The following SAFB2 variants were observed in gnomAD, a reference collection of about 807,000 sequenced individuals.
The protein encoded by SAFB2 is scaffold attachment factor B2.
Under a neutral mutation model 100.6 loss-of-function variants are expected in SAFB2, and 32 were observed. The observed-to-expected ratio is 0.32, with a 90% confidence interval of 0.24 to 0.43. The LOEUF (loss-of-function observed/expected upper bound fraction) is 0.43. Ranked by LOEUF, SAFB2 falls within the 20% of genes least tolerant of loss-of-function variation. The probability of loss-of-function intolerance (pLI) is 1.00; values close to 1 mark genes in which losing one functional copy is unlikely to be tolerated. For synonymous variants in SAFB2, 500 were observed against 439.4 expected (o/e 1.14, Z -1.72); for missense variants, 1,185 against 1,163.4 (o/e 1.02, Z -0.27).
At chr19:5,610,965 A>G (rs2052896869) in intron 7 of SAFB2, 155 bp downstream of exon 7, 1 of 575,740 alleles carries the variant, frequency 1.7e-6, no homozygotes, top group Non-Finnish European at 3.1e-6. Context: ...ATCACCCATT[A>G]AAAACACACA....
At chr19:5,610,185 T>TA in intron 8 of SAFB2, 90 bp from the exon 9 acceptor site, 2 of 1,006,594 alleles carry the variant, frequency 2.0e-6, no homozygotes, top group Non-Finnish European at 3.1e-6. Context: ...TTAAAAACCC[T>TA]AACGACGCCC....
chr19:5,593,532 C>A (rs377559384), intron 15 of SAFB2: 13 of 228,710 alleles, frequency 5.7e-5, no homozygotes, highest in African/African-American at 2.9e-4. Context: ...CCGGCAGAGT[C>A]AGCGGTGGCC....
intron 4 of SAFB2, among the ~76,000 whole-genome samples, chr19:5,615,687 G>C (rs1463374742): frequency 6.6e-6 from 1 of 152,196 alleles, no homozygotes. Context: ...GCACAACAGA[G>C]CAAGACCCTG....
intron 16 of SAFB2, 41 bp downstream of exon 16, chr19:5,592,706 C>T: frequency 1.2e-6 from 2 of 1,609,996 alleles, no homozygotes; most frequent in Non-Finnish European, 1.7e-6. Context: ...GCCCCGGTGC[C>T]CACAATGACT....
At position 5,607,372 on chromosome 19, in the gene SAFB2, GA is replaced by G. The variant is rs1190769039; in HGVS notation, c.1297-2437del. 2.6e-5 allele frequency among the ~76,000 whole-genome samples: 4 copies of G among 152,172 alleles called. No homozygotes were observed. The East Asian group carries it at 7.7e-4, about 29-fold the overall frequency. ...AAAATATTGGGTGACTTCTTAAAGA[GA>G]AGTAAACCGTATGACAATAACATCA... On this transcript the variant is annotated intron_variant, in intron 9 of 20. Transcript: ENST00000252542.
chr19:5,609,891 G>C (rs761692611), intron 9 of SAFB2, 104 bp downstream of exon 9: 51 of 972,662 alleles, frequency 5.2e-5, no homozygotes, highest in Non-Finnish European at 8.1e-5. Context: ...TCCTGCCTCA[G>C]CCTCCCAAAC....
In SAFB2 at chr19:5,590,335, CCCCAGCCA is replaced by C. The variant is rs2052366623; in HGVS notation, c.2460_2467del (p.Asp820GlufsTer11). The C allele has an allele frequency of 3.1e-6, 5 of 1,610,256 alleles. No individual in the cohort carries two copies. In the Admixed American group the frequency reaches 5.0e-5, roughly 16 times the overall value. ...CAGCCTCTTGTCGGAGCCGTAGCCC[CCCCAGCCA>C]TCACGGGAGTCCCGGCCGTGGCGCT... On this transcript the variant is annotated frameshift_variant, in exon 18 of 21. Transcript: ENST00000252542. LOFTEE classifies it high-confidence loss of function.
Position 5,592,798 on chromosome 19 carries a change from T to C in SAFB2, c.2297A>G (p.His766Arg). 1 of 1,614,200 alleles carries C rather than the reference T, an allele frequency of 6.2e-7. No homozygotes were observed. The highest frequency in any genetic ancestry group is 8.5e-7 in the Non-Finnish European group (1 of 1,180,032). ...GCCCCGGTCTCGATGATCGAAGTCG[T>C]GAAAGCGGTGGTCTGGCCGGGGAAA... ...ADFPRPDHRFHDFDHRDRGQY... is the reference protein window; with the variant it reads ...ADFPRPDHRFRDFDHRDRGQY... The change falls in exon 16 of 21, where the codon CAC becomes CGC. Residue 766 changes from histidine (H) to arginine (R), a missense_variant. His to Arg is a conservative substitution (Grantham distance 29). This residue lies in a region of SAFB2 where 740 missense variants were observed against 687.1 expected (regional missense o/e 1.08). Transcript: ENST00000252542.
In SAFB2 at chr19:5,620,271, T is replaced by C. The variant is rs143549086; in HGVS notation, c.274+1038A>G. Among the ~76,000 whole-genome samples the C allele has an allele frequency of 8.4e-3, 1,281 of 152,332 alleles. 13 individuals are homozygous for C. The highest frequency in any genetic ancestry group is 0.013 in the South Asian group (62 of 4,826). Reference sequence around the variant, plus strand: ...GAAACACATTAAGAAGAAAAAGCTATTAAAAAAATGAAATTGTTAAAAATG... The same window carrying C: ...GAAACACATTAAGAAGAAAAAGCTACTAAAAAAATGAAATTGTTAAAAATG... On this transcript the variant is annotated intron_variant, in intron 2 of 20. Coordinates refer to ENST00000252542, the MANE Select transcript of SAFB2 (RefSeq NM_014649.3).
chr19:5,592,952 G>A, intron 15 of SAFB2, 65 bp from the exon 16 acceptor site: 1 of 1,523,426 alleles, frequency 6.6e-7, no homozygotes, highest in African/African-American at 1.4e-5. Context: ...AAAAAAGGAG[G>A]AGGTGGAGGT....
chr19:5,606,944 C>T (rs963892000), intron 9 of SAFB2, among the ~76,000 whole-genome samples: 1 of 152,096 alleles, frequency 6.6e-6, no homozygotes, highest in African/African-American at 2.4e-5. Context: ...TGATTTTTTC[C>T]TGTCATTTCT....
rs2052286211 is a variant in SAFB2, at chr19:5,587,646, A to G, written c.2705+55T>C. On this transcript the variant is annotated intron_variant, in intron 20 of 20. Transcript: ENST00000252542. This position sits in a 1 kb window ranked among gnomAD's most constrained non-coding sequence, Gnocchi z 4.9. Reference sequence around the variant, plus strand: ...AGCTGATCAAACATGCAAAAAAGGGAGAGGAAGTGAGGAGCAGGAGTGAAC... The same window carrying G: ...AGCTGATCAAACATGCAAAAAAGGGGGAGGAAGTGAGGAGCAGGAGTGAAC... 1 of 1,496,374 alleles carries G rather than the reference A, an allele frequency of 6.7e-7. No individual in the cohort carries two copies. The highest frequency in any genetic ancestry group is 9.0e-7 in the Non-Finnish European group (1 of 1,116,770). 92.7% of individuals were successfully genotyped at this position (1,496,374 alleles called of 1,614,324 possible).
chr19:5,622,257 G>A (rs1433650159), intron 1 of SAFB2, among the ~76,000 whole-genome samples: 2 of 152,228 alleles, frequency 1.3e-5, no homozygotes, highest in African/African-American at 2.4e-5. Context: ...GCCCCAGGAG[G>A]GGTCCCGGGG....
intron 6 of SAFB2, 144 bp from the exon 7 acceptor site, chr19:5,611,774 A>C (rs561771735): frequency 5.6e-5 from 31 of 555,432 alleles, no homozygotes; most frequent in Non-Finnish European, 8.9e-5. Flanking sequence ...GCGGGTACAC[A>C]AAGTTATACT....
intron 15 of SAFB2, 54 bp downstream of exon 15, chr19:5,593,837 G>A: frequency 7.2e-7 from 1 of 1,396,828 alleles, no homozygotes; most frequent in South Asian, 1.6e-5. Flanking sequence ...CTGGAAGGGT[G>A]AACACCGCTG....
At chr19:5,613,047 G>A (rs780446910) in intron 5 of SAFB2, among the ~76,000 whole-genome samples, 1 of 152,218 alleles carries the variant, frequency 6.6e-6, no homozygotes, top group Non-Finnish European at 1.5e-5. Context: ...TGGTGGCCCA[G>A]ACTCAGCGAG....
chr19:5,595,580 C>T (rs923850256), intron 13 of SAFB2, 83 bp from the exon 14 acceptor site: 1 of 1,493,178 alleles, frequency 6.7e-7, no homozygotes, highest in Non-Finnish European at 9.1e-7. Context: ...GTGCATGAGA[C>T]TAAGATTCTC....
intron 14 of SAFB2, 73 bp downstream of exon 14, chr19:5,595,288 A>C: frequency 1.3e-6 from 2 of 1,552,460 alleles, no homozygotes; most frequent in South Asian, 1.2e-5. Context: ...TGCGCACTCC[A>C]AGTACAGCTG....
Position 5,594,112 on chromosome 19 carries a change from C to G in SAFB2, c.1986G>C (p.Arg662=), listed in dbSNP as rs1266650604. ...EAFHERKEKA[R]LQRERLQLEC... ...CGAGCTGCAGGCGTTCCCGCTGTAG[C>G]CGGGCCTTCTCCTTCCGCTCATGGA... Residue 662 remains arginine (R), a synonymous_variant, in exon 15 of 21, where the codon CGG becomes CGC. Transcript: ENST00000252542. 1 of 1,601,524 alleles carries G rather than the reference C, an allele frequency of 6.2e-7. No homozygotes were observed. Among genetic ancestry groups the G allele is most frequent in the African/African-American group, 1.3e-5 (1 of 74,958 alleles).
Sources: allele counts gnomAD v4.1 joint callset (sites outside exome capture counted in the v4.1 genomes callset), GRCh38; gene constraint gnomAD v4.1.1; regional missense constraint gnomAD v4.1.1; non-coding constraint Gnocchi (gnomAD v3.1); transcripts MANE v1.5; gene names NCBI Gene and HGNC (gene_info 2026-07-23, HGNC 2026-07-21).